Variants in PTPRD observed in about 807,000 individuals in gnomAD.
PTPRD encodes protein tyrosine phosphatase receptor type D, also known as receptor-type tyrosine-protein phosphatase delta.
Under a neutral mutation model 214.5 loss-of-function variants are expected in PTPRD, and 34 were observed. The ratio of observed to expected loss-of-function variants is 0.16; its 90% confidence interval spans 0.12 to 0.21. The LOEUF (loss-of-function observed/expected upper bound fraction) is 0.21, where lower values mean the gene tolerates loss of function less well. Ranked by LOEUF, PTPRD falls within the 10% of genes least tolerant of loss-of-function variation. The probability of loss-of-function intolerance (pLI) is 1.00; values close to 1 mark genes in which losing one functional copy is unlikely to be tolerated. For missense variants in PTPRD, 2,545 were observed against 2,398.7 expected (o/e 1.06, Z -1.27); for synonymous variants, 1,128 against 845.7 (o/e 1.33, Z -5.79).
chr9:8,443,475 C>T (rs976454896), intron 34 of PTPRD, among the ~76,000 whole-genome samples: 1 of 152,156 alleles, frequency 6.6e-6, no homozygotes, highest in African/African-American at 2.4e-5. Flanking sequence ...TATTTCTGAT[C>T]CGTTAACTTT....
chr9:10,010,605 A>T (rs553984883), intron 4 of PTPRD, among the ~76,000 whole-genome samples: 1 of 151,732 alleles, frequency 6.6e-6, no homozygotes, highest in Admixed American at 6.6e-5. Context: ...TGTATACTCA[A>T]CTCAGTTAAT....
At chr9:10,410,258 T>TATATATAC (rs1565857618) in intron 2 of PTPRD, among the ~76,000 whole-genome samples, 1 of 138,708 alleles carries the variant, frequency 7.2e-6, no homozygotes, top group Non-Finnish European at 1.5e-5. Context: ...TTTGTGTATA[T>TATATATAC]ATATATATAT....
chr9:10,098,259 C>T (rs977234184), intron 3 of PTPRD, among the ~76,000 whole-genome samples: 18 of 149,662 alleles, frequency 1.2e-4, no homozygotes, highest in African/African-American at 3.0e-4. Flanking sequence ...AACCAAACAC[C>T]GCGTGTTCTC....
At chr9:9,284,592 T>C (rs1948780610) in intron 9 of PTPRD, among the ~76,000 whole-genome samples, 1 of 151,744 alleles carries the variant, frequency 6.6e-6, no homozygotes, top group African/African-American at 2.4e-5. Context: ...AGAGAAGTTT[T>C]TGAAGATTAA....
intron 12 of PTPRD, among the ~76,000 whole-genome samples, chr9:8,653,919 T>C (rs539891561): frequency 6.6e-6 from 1 of 152,302 alleles, no homozygotes; most frequent in Admixed American, 6.5e-5. Context: ...GCATCAATTG[T>C]CCCATCTCCC....
At chr9:10,555,818 G>C (rs976863183) in intron 2 of PTPRD, among the ~76,000 whole-genome samples, 1 of 152,096 alleles carries the variant, frequency 6.6e-6, no homozygotes, top group Non-Finnish European at 1.5e-5. Flanking sequence ...ATTCCTCTAA[G>C]ATTCTTTCAA....
intron 35 of PTPRD, among the ~76,000 whole-genome samples, chr9:8,428,654 C>T (rs990059772): frequency 4.0e-5 from 6 of 151,892 alleles, no homozygotes; most frequent in South Asian, 4.1e-4. Context: ...CCAGTGCATT[C>T]GAAGTTGGCC....
At chr9:8,517,064 CAA>C (rs1263611742) in intron 21 of PTPRD, among the ~76,000 whole-genome samples, 1 of 151,984 alleles carries the variant, frequency 6.6e-6, no homozygotes, top group Admixed American at 6.6e-5. Context: ...ACCTACCTCC[CAA>C]AAGTGTTGGG....
chr9:9,033,346 C>A (rs756876215), intron 10 of PTPRD, among the ~76,000 whole-genome samples: 3 of 152,058 alleles, frequency 2.0e-5, no homozygotes, highest in African/African-American at 2.4e-5. Flanking sequence ...AGCTGACTTG[C>A]CCAAGACATG....
At chr9:8,453,282 GC>G (rs1344904217) in intron 33 of PTPRD, among the ~76,000 whole-genome samples, 1 of 152,134 alleles carries the variant, frequency 6.6e-6, no homozygotes, top group African/African-American at 2.4e-5. Context: ...TCCTGCCTCA[GC>G]CTCCCGAGTA....
chr9:9,598,868 A>G (rs974757854), intron 7 of PTPRD, among the ~76,000 whole-genome samples: 1 of 151,966 alleles, frequency 6.6e-6, no homozygotes, highest in Non-Finnish European at 1.5e-5. Flanking sequence ...CATTTTGGCC[A>G]AAGATTTCCT....
intron 3 of PTPRD, among the ~76,000 whole-genome samples, chr9:10,258,597 G>A (rs1046092117): frequency 3.9e-5 from 6 of 152,206 alleles, no homozygotes; most frequent in African/African-American, 1.4e-4. Flanking sequence ...ATAGTGGCAA[G>A]CCAACAATCA....
In PTPRD at chr9:8,528,136, T is replaced by A. The variant is rs535189015; in HGVS notation, c.541+455A>T. The A allele has an allele frequency of 1.5e-4, 47 of 310,058 alleles. No individual in the cohort carries two copies. In the South Asian group the frequency reaches 2.8e-3, roughly 18 times the overall value. The allele number at this position is 310,058 out of a possible 1,614,324, so 19.2% of individuals were successfully genotyped here. On this transcript the variant is annotated intron_variant, in intron 15 of 45. Transcript: ENST00000381196. ...AGAAAAGATAGCAGAAAACATACTTTAATAAAATTGAAACATTTTAGGGTT... is the reference window on the plus strand; with the variant it reads ...AGAAAAGATAGCAGAAAACATACTTAAATAAAATTGAAACATTTTAGGGTT...
Position 9,020,615 on chromosome 9 carries a change from T to G in PTPRD, c.-142-1880A>C, listed in dbSNP as rs2099564109. Among the ~76,000 whole-genome samples the G allele has an allele frequency of 1.3e-5, 2 of 152,220 alleles. 1 individual carries two copies. The highest frequency in any genetic ancestry group is 2.9e-5 in the Non-Finnish European group (2 of 68,032). On this transcript the variant is annotated intron_variant, in intron 10 of 45. Transcript: ENST00000381196. ...GAGGTGGTAAAGACTGAGAATATAA[T>G]AAGATTTAAGTGGAATACAAGAATT...
chr9:10,214,266 C>G (rs1023028943), intron 3 of PTPRD, among the ~76,000 whole-genome samples: 2 of 151,384 alleles, frequency 1.3e-5, no homozygotes, highest in African/African-American at 4.9e-5. Context: ...GCAATTAATT[C>G]TTTTTGTTTG....
At chr9:9,019,306 AAG>A (rs1225950253) in intron 10 of PTPRD, among the ~76,000 whole-genome samples, 1 of 95,136 alleles carries the variant, frequency 1.1e-5, no homozygotes, top group South Asian at 5.4e-4. Flanking sequence ...GAAAGAAAGA[AAG>A]AAAGAAAGAA....
In PTPRD at chr9:9,322,668, T is replaced by C. The variant is rs187689799; in HGVS notation, c.-203+74781A>G. Among the ~76,000 whole-genome samples the C allele has an allele frequency of 4.1e-4, 63 of 152,274 alleles. 1 individual carries two copies. Among genetic ancestry groups the C allele is most frequent in the African/African-American group, 1.4e-3 (59 of 41,570 alleles). ...CTGTTTTATTAAATGAGTAAATCAG[T>C]GCAATGCTACAGGAACACTCTAGAT... On this transcript the variant is annotated intron_variant, in intron 9 of 45. Transcript: ENST00000381196.
At chr9:9,679,690 G>A (rs182092221) in intron 7 of PTPRD, among the ~76,000 whole-genome samples, 3 of 151,940 alleles carry the variant, frequency 2.0e-5, no homozygotes, top group Admixed American at 6.6e-5. Flanking sequence ...ACTTGTTAGC[G>A]ATTAACAGAG....
chr9:10,258,040 T>C (rs2498620), intron 3 of PTPRD, among the ~76,000 whole-genome samples: 24,398 of 151,984 alleles, frequency 0.16, 2,069 homozygotes, highest in African/African-American at 0.2. Context: ...AGGAAGGTGG[T>C]GGAGAGAAAG....
Sources: allele counts gnomAD v4.1 joint callset (sites outside exome capture counted in the v4.1 genomes callset), GRCh38; gene constraint gnomAD v4.1.1; transcripts MANE v1.5; gene names NCBI Gene and HGNC (gene_info 2026-07-23, HGNC 2026-07-21).